The following LDHAL6A variants were observed in gnomAD, a reference collection of about 807,000 sequenced individuals.
LDHAL6A encodes the protein L-lactate dehydrogenase A-like 6A.
In LDHAL6A, 19 loss-of-function variants were observed where a neutral mutation model predicts 28.2. That is an observed-to-expected ratio of 0.67 (90% CI 0.47 to 0.99). LDHAL6A has a LOEUF of 0.99. Ranked by LOEUF, LDHAL6A falls within the 50% of genes least tolerant of loss-of-function variation. The pLI is 0.00. For missense variants in LDHAL6A, 372 were observed against 398.6 expected, an observed-to-expected ratio of 0.93 and a Z score of 0.57; for synonymous variants, 144 against 134.4, an observed-to-expected ratio of 1.07 and a Z score of -0.49.
At position 18,475,500 on chromosome 11, in the gene LDHAL6A, TG is replaced by T. The variant is rs745409734; in HGVS notation, c.455del (p.Gly152AspfsTer37). ...ILTYVAWKLS[G>X]FPKNRVIGSG... ...TAACTTATGTAGCCTGGAAGTTGAG[TG>T]GATTTCCCAAAAACCGTGTTATTGG... On this transcript the variant is annotated frameshift_variant, in exon 4 of 7. Transcript: ENST00000280706. LOFTEE classifies it high-confidence loss of function. The T allele has an allele frequency of 1.2e-6, 2 of 1,613,760 alleles. No individual in the cohort carries two copies. Among genetic ancestry groups the T allele is most frequent in the African/African-American group, 2.7e-5 (2 of 74,908 alleles).
intron 3 of LDHAL6A, among the ~76,000 whole-genome samples, chr11:18,467,916 T>TAC (rs1172585180): frequency 5.8e-4 from 32 of 54,986 alleles, no homozygotes; most frequent in Non-Finnish European, 8.6e-4. Context: ...TATATATATA[T>TAC]ATACACACAC....
intron 3 of LDHAL6A, among the ~76,000 whole-genome samples, chr11:18,467,918 T>TATATATAC (rs1480735817): frequency 2.8e-4 from 14 of 49,726 alleles, no homozygotes; most frequent in African/African-American, 1.5e-3. Flanking sequence ...TATATATATA[T>TATATATAC]ACACACACAT....
At position 18,467,986 on chromosome 11, in the gene LDHAL6A, TATATGC is replaced by T. The variant is rs1360063877; in HGVS notation, c.418+2181_418+2186del. Among the ~76,000 whole-genome samples the T allele has an allele frequency of 4.4e-4, 20 of 45,206 alleles. 1 individual carries two copies. Among genetic ancestry groups the T allele is most frequent in the African/African-American group, 2.5e-3 (20 of 8,106 alleles). The allele number at this position is 45,206 out of a possible 152,430, so 29.7% of individuals were successfully genotyped here. A position where few individuals can be genotyped will look rare whatever the true frequency, so the allele number is the denominator to read the frequency against. The stretch of plus-strand genomic sequence containing the variant: ...ATATATACGTATATATATACGTATA[TATATGC>T]ATATATATACGTATATATATACATA... On this transcript the variant is annotated intron_variant, in intron 3 of 6. Coordinates refer to ENST00000280706, the MANE Select transcript of LDHAL6A (RefSeq NM_144972.5).
At chr11:18,475,823 ATG>A in intron 4 of LDHAL6A, 184 bp downstream of exon 4, 1 of 514,722 alleles carries the variant, frequency 1.9e-6, no homozygotes, top group African/African-American at 1.9e-5. Flanking sequence ...GATTTGAAAA[ATG>A]TGAGATTGAT....
intron 1 of LDHAL6A, among the ~76,000 whole-genome samples, chr11:18,463,394 T>C (rs1848975290): frequency 6.6e-6 from 1 of 152,188 alleles, no homozygotes; most frequent in Non-Finnish European, 1.5e-5. Context: ...CCTCACCATA[T>C]GGCGGCCCCC....
chr11:18,462,655 C>A (rs200160498), intron 1 of LDHAL6A, among the ~76,000 whole-genome samples: 27,359 of 104,998 alleles, frequency 0.26, 3,699 homozygotes, highest in African/African-American at 0.42. Context: ...AACAAACAAA[C>A]AAAAAAAAAA....
chr11:18,474,576 G>A (rs1444779629), intron 3 of LDHAL6A, among the ~76,000 whole-genome samples: 3 of 151,944 alleles, frequency 2.0e-5, no homozygotes, highest in Admixed American at 6.6e-5. Flanking sequence ...TAATAGAGAC[G>A]GGGTTTCAGC....
chr11:18,460,074 G>GT (rs1413652052), intron 1 of LDHAL6A, among the ~76,000 whole-genome samples: 1 of 152,180 alleles, frequency 6.6e-6, no homozygotes, highest in Non-Finnish European at 1.5e-5. Flanking sequence ...AGGTTGATCA[G>GT]TTGTACAGTC....
chr11:18,471,858 A>T (rs1477357679), intron 3 of LDHAL6A, among the ~76,000 whole-genome samples: 2 of 139,096 alleles, frequency 1.4e-5, no homozygotes, highest in African/African-American at 2.6e-5. Flanking sequence ...AGTATTTAGG[A>T]TTTTTTTTTT....
chr11:18,471,558 A>G (rs1354685989), intron 3 of LDHAL6A, among the ~76,000 whole-genome samples: 1 of 152,084 alleles, frequency 6.6e-6, no homozygotes, highest in East Asian at 1.9e-4. Context: ...TTATTTTAAT[A>G]TAGCATTTTA....
intron 3 of LDHAL6A, among the ~76,000 whole-genome samples, chr11:18,470,182 C>T (rs1228777686): frequency 6.6e-6 from 1 of 152,206 alleles, no homozygotes; most frequent in Non-Finnish European, 1.5e-5. Context: ...GCCTTGGCCT[C>T]CCAAGGTGCT....
At chr11:18,470,832 G>A (rs556272803) in intron 3 of LDHAL6A, among the ~76,000 whole-genome samples, 47 of 151,942 alleles carry the variant, frequency 3.1e-4, no homozygotes, top group African/African-American at 6.0e-4. Flanking sequence ...AATTACAGGC[G>A]TGCACTACCA....
intron 2 of LDHAL6A, among the ~76,000 whole-genome samples, 198 bp from the exon 3 acceptor site, chr11:18,465,439 T>TTG (rs1849042914): frequency 6.6e-6 from 1 of 151,462 alleles, no homozygotes; most frequent in African/African-American, 2.4e-5. Context: ...TTTTTTTTTT[T>TTG]TTTTATTATT....
At chr11:18,476,772 C>A (rs1381472878) in intron 5 of LDHAL6A, 5 of 198,622 alleles carry the variant, frequency 2.5e-5, no homozygotes, top group Non-Finnish European at 4.5e-5. Flanking sequence ...CAAACACTTG[C>A]TATATAGTGT....
intron 1 of LDHAL6A, among the ~76,000 whole-genome samples, chr11:18,462,224 C>T (rs1022286792): frequency 1.3e-4 from 19 of 151,916 alleles, no homozygotes; most frequent in Middle Eastern, 3.4e-3. Flanking sequence ...AGGCCGGGCG[C>T]GGATTAAGGC....
chr11:18,469,383 T>C (rs1849202276), intron 3 of LDHAL6A, among the ~76,000 whole-genome samples: 1 of 152,248 alleles, frequency 6.6e-6, no homozygotes, highest in African/African-American at 2.4e-5. Flanking sequence ...CAACATTAAC[T>C]GGCCCACCAC....
chr11:18,465,962 C>T (rs1429077941), intron 3 of LDHAL6A, 152 bp downstream of exon 3: 1 of 567,102 alleles, frequency 1.8e-6, no homozygotes, highest in Non-Finnish European at 3.0e-6. Flanking sequence ...TTTTTCAGCC[C>T]TTGCTGCTCT....
At chr11:18,462,440 A>C (rs1235514167) in intron 1 of LDHAL6A, among the ~76,000 whole-genome samples, 2 of 151,832 alleles carry the variant, frequency 1.3e-5, no homozygotes, top group South Asian at 2.1e-4. Context: ...GATCAAGACC[A>C]TCCTGGCTAA....
At chr11:18,467,880 C>CACACATAT (rs1185900320) in intron 3 of LDHAL6A, among the ~76,000 whole-genome samples, 25 of 44,410 alleles carry the variant, frequency 5.6e-4, no homozygotes, top group Admixed American at 1.6e-3. Context: ...TATATACACA[C>CACACATAT]ATATATATAT....
Sources: allele counts gnomAD v4.1 joint callset (sites outside exome capture counted in the v4.1 genomes callset), GRCh38; gene constraint gnomAD v4.1.1; transcripts MANE v1.5; gene names NCBI Gene and HGNC (gene_info 2026-07-23, HGNC 2026-07-21).